Variants in ARHGAP8 observed in about 807,000 individuals in gnomAD.
The protein encoded by ARHGAP8 is Rho GTPase activating protein 8.
In ARHGAP8, 62 loss-of-function variants were observed where a neutral mutation model predicts 46.1. That is an observed-to-expected ratio of 1.34 (90% confidence interval 1.10 to 1.66). ARHGAP8 has a LOEUF of 1.66. Among genes scored for constraint, ARHGAP8 ranks in the 40% most tolerant of loss-of-function variants. The probability of loss-of-function intolerance (pLI) is 0.00; values close to 1 mark genes in which losing one functional copy is unlikely to be tolerated. For missense variants in ARHGAP8, 923 were observed against 568.4 expected, an observed-to-expected ratio of 1.62 and a Z score of -6.34; for synonymous variants, 375 against 243.1, an observed-to-expected ratio of 1.54 and a Z score of -5.05.
chr22:44,852,963 T>A (rs2070133794), intron 10 of ARHGAP8, among the ~76,000 whole-genome samples: 1 of 152,082 alleles, frequency 6.6e-6, no homozygotes, highest in Non-Finnish European at 1.5e-5. Flanking sequence ...TCACCACGCC[T>A]GGCTAATTTT....
chr22:44,772,837 G>A (rs1415440239), intron 1 of ARHGAP8, among the ~76,000 whole-genome samples: 3 of 120,406 alleles, frequency 2.5e-5, no homozygotes, highest in South Asian at 2.7e-4. Context: ...TTTGAGACAC[G>A]GTCTCTTCCC....
chr22:44,790,899 A>AT (rs1314211273), intron 2 of ARHGAP8, among the ~76,000 whole-genome samples: 15 of 151,644 alleles, frequency 9.9e-5, no homozygotes, highest in Non-Finnish European at 2.1e-4. Context: ...TGCCCAACTA[A>AT]TTTTTTGTAT....
intron 1 of ARHGAP8, among the ~76,000 whole-genome samples, chr22:44,782,191 G>C (rs1159440187): frequency 6.6e-6 from 1 of 152,022 alleles, no homozygotes; most frequent in Non-Finnish European, 1.5e-5. Context: ...AAAAAAATTA[G>C]CTTGGCATGG....
At chr22:44,827,768 C>T (rs528251760) in intron 7 of ARHGAP8, among the ~76,000 whole-genome samples, 7 of 152,140 alleles carry the variant, frequency 4.6e-5, no homozygotes, top group African/African-American at 1.4e-4. Flanking sequence ...AAATCTTGTT[C>T]CCAGAGCTAG....
rs987454179 is a variant in ARHGAP8, at chr22:44,789,559, G to A, written c.79+2953G>A. ...TTTGTTGCCCAGGCTGTGCAGTGGC[G>A]CTGTCTCGGCTCACTACAGCCTCTA... On this transcript the variant is annotated intron_variant, in intron 2 of 11. Coordinates refer to ENST00000356099, the MANE Select transcript of ARHGAP8 (RefSeq NM_181335.3). 3.3e-5 allele frequency among the ~76,000 whole-genome samples: 5 copies of A among 152,204 alleles called. No homozygotes were observed. In the South Asian group the frequency reaches 8.3e-4, roughly 25 times the overall value.
chr22:44,862,759 C>T lies in ARHGAP8; in HGVS notation c.*164C>T, dbSNP rs1312977842. The T allele has an allele frequency of 1.2e-5, 10 of 858,940 alleles. No individual in the cohort carries two copies. Among genetic ancestry groups the T allele is most frequent in the East Asian group, 8.1e-5 (3 of 37,066 alleles). The allele number at this position is 858,940 out of a possible 1,614,324, so 53.2% of individuals were successfully genotyped here. ...GTCCTTGGACTCTTGTCCATGGTTC[C>T]TGAGCTGTGGACCGGGATAGAATAA... On this transcript the variant is annotated 3_prime_UTR_variant, in exon 12 of 12. Transcript: ENST00000356099.
chr22:44,777,490 T>C (rs1371009197), intron 1 of ARHGAP8, among the ~76,000 whole-genome samples: 1 of 152,072 alleles, frequency 6.6e-6, no homozygotes, highest in Non-Finnish European at 1.5e-5. Flanking sequence ...CACTTTTCTC[T>C]TGGCAGAAAT....
At chr22:44,861,577 C>T (rs1479236203) in intron 11 of ARHGAP8, among the ~76,000 whole-genome samples, 1 of 152,218 alleles carries the variant, frequency 6.6e-6, no homozygotes, top group Non-Finnish European at 1.5e-5. Context: ...TGCCCTGGTA[C>T]TCACCGCCTC....
chr22:44,854,175 C>G (rs780068665), intron 10 of ARHGAP8, among the ~76,000 whole-genome samples: 1 of 151,198 alleles, frequency 6.6e-6, no homozygotes, highest in East Asian at 1.9e-4. Flanking sequence ...TGCTTACTCA[C>G]TGTAACGTCA....
chr22:44,813,224 A>G (rs548740982), intron 4 of ARHGAP8, among the ~76,000 whole-genome samples: 71 of 151,946 alleles, frequency 4.7e-4, no homozygotes, highest in African/African-American at 1.7e-3. Flanking sequence ...GAGTTAGGGT[A>G]TGTGTGTGTG....
chr22:44,761,674 G>C (rs1483224879), intron 1 of ARHGAP8, among the ~76,000 whole-genome samples: 1 of 152,170 alleles, frequency 6.6e-6, no homozygotes, highest in Non-Finnish European at 1.5e-5. Context: ...ATATGGAGAG[G>C]GGCCTGCCAT....
intron 1 of ARHGAP8, among the ~76,000 whole-genome samples, chr22:44,771,351 A>G (rs1386742011): frequency 3.3e-5 from 5 of 149,278 alleles, no homozygotes; most frequent in East Asian, 2.0e-4. Flanking sequence ...GGTTCAAGCA[A>G]TTCTCCTGCC....
At chr22:44,861,008 CTCAA>C (rs1189120179) in intron 11 of ARHGAP8, among the ~76,000 whole-genome samples, 2 of 152,030 alleles carry the variant, frequency 1.3e-5, no homozygotes, top group African/African-American at 4.8e-5. Context: ...TCCTAATTCT[CTCAA>C]AAAAATTTTT....
intron 4 of ARHGAP8, among the ~76,000 whole-genome samples, chr22:44,813,729 T>TGTAGG (rs1569158461): frequency 7.8e-5 from 10 of 127,452 alleles, no homozygotes; most frequent in African/African-American, 2.6e-4. Context: ...TTTCATACAC[T>TGTAGG]TACACCTACA....
intron 1 of ARHGAP8, among the ~76,000 whole-genome samples, chr22:44,760,910 G>A (rs1475747807): frequency 6.6e-6 from 1 of 152,186 alleles, no homozygotes; most frequent in African/African-American, 2.4e-5. Flanking sequence ...GAAAGGGCTT[G>A]TCAGGGAGGG....
intron 7 of ARHGAP8, among the ~76,000 whole-genome samples, chr22:44,835,779 C>A (rs739120): frequency 6.6e-6 from 1 of 151,788 alleles, no homozygotes. Flanking sequence ...TTTAGTTTCT[C>A]CTTATCTCCC....
rs535721788 is a variant in ARHGAP8, at chr22:44,821,091, T to C, written c.387-1280T>C. 3.3e-5 allele frequency among the ~76,000 whole-genome samples: 5 copies of C among 152,378 alleles called. No individual in the cohort carries two copies. The East Asian group carries it at 9.6e-4, about 29-fold the overall frequency. On this transcript the variant is annotated intron_variant, in intron 5 of 11. Transcript: ENST00000356099. ...AATATCTTCGGTTTGGCTGAATACA[T>C]AACTTTCCTTTTCCAGTAACAACAT... is the stretch of plus-strand genomic sequence containing the variant.
At chr22:44,830,758 C>T (rs1282102375) in intron 7 of ARHGAP8, among the ~76,000 whole-genome samples, 4 of 151,984 alleles carry the variant, frequency 2.6e-5, no homozygotes, top group Admixed American at 6.6e-5. Flanking sequence ...AGGCTGGTCT[C>T]GAACTCTTGA....
rs1223857467 is a variant in ARHGAP8 at position 44,827,336 on chromosome 22, G to GGTTTTT, written c.596+1743_596+1744insGTTTTT. Among the ~76,000 whole-genome samples the GGTTTTT allele has an allele frequency of 2.2e-4, 15 of 67,264 alleles. 1 individual carries two copies. Among genetic ancestry groups the GGTTTTT allele is most frequent in the African/African-American group, 7.6e-4 (13 of 17,070 alleles). The allele number at this position is 67,264 out of a possible 152,430, so 44.1% of individuals were successfully genotyped here. ...GGTGAGATAATACATTTGGGTGGTG[G>GGTTTTT]TTTTTTTTTTTTTTTTTTTTTTTTT... On this transcript the variant is annotated intron_variant, in intron 7 of 11. Transcript: ENST00000356099.
Sources: gnomAD v4.1 joint callset for allele counts (sites outside exome capture counted in the v4.1 genomes callset) on GRCh38, gnomAD v4.1.1 for gene constraint, MANE v1.5 for transcripts, NCBI Gene and HGNC (gene_info 2026-07-23, HGNC 2026-07-21) for gene names.